DNAI3: variants seen among roughly 807,000 people sequenced by gnomAD.
DNAI3 encodes the protein dynein axonemal intermediate chain 3.
DNAI3 carries 83 observed loss-of-function variants against 115.5 expected under a neutral mutation model. The observed-to-expected ratio is 0.72, with a 90% CI of 0.60 to 0.86. The LOEUF (loss-of-function observed/expected upper bound fraction) is 0.86, where lower values mean the gene tolerates loss of function less well. Ranked by LOEUF, DNAI3 falls within the 40% of genes least tolerant of loss-of-function variation. The pLI is 0.00. For synonymous variants in DNAI3, 320 were observed against 347.0 expected (o/e 0.92, Z 0.86); for missense variants, 1,004 against 1,075.8 (o/e 0.93, Z 0.93).
At chr1:85,128,984 A>C (rs899100436) in intron 21 of DNAI3, among the ~76,000 whole-genome samples, 185 bp downstream of exon 21, 1 of 152,210 alleles carries the variant, frequency 6.6e-6, no homozygotes, top group African/African-American at 2.4e-5. Context: ...AAAAAGCCCC[A>C]AACATGACAT....
At chr1:85,103,612 G>A (rs933680525) in intron 13 of DNAI3, among the ~76,000 whole-genome samples, 5 of 152,142 alleles carry the variant, frequency 3.3e-5, no homozygotes, top group Admixed American at 3.3e-4. Context: ...ATGAGGCCGG[G>A]CGCATGGCTC....
intron 6 of DNAI3, 119 bp downstream of exon 6, chr1:85,084,814 T>C: frequency 1.9e-6 from 2 of 1,078,476 alleles, no homozygotes; most frequent in Non-Finnish European, 2.4e-6. Flanking sequence ...TGGTGTGTTG[T>C]TTTGGTTTGC....
chr1:85,111,174 G>C (rs944050884), intron 16 of DNAI3, among the ~76,000 whole-genome samples: 1 of 152,182 alleles, frequency 6.6e-6, no homozygotes, highest in Non-Finnish European at 1.5e-5. Context: ...TACCCAGCTT[G>C]AGCAAAATTT....
rs767135205 is a variant in DNAI3 at position 85,083,942 on chromosome 1, TCA to T, written c.391-603_391-602del. Among the ~76,000 whole-genome samples the T allele has an allele frequency of 3.5e-3, 532 of 151,964 alleles. 3 individuals are homozygous for T. Among genetic ancestry groups the T allele is most frequent in the Non-Finnish European group, 5.7e-3 (386 of 67,910 alleles). ...CATAAAAATTGTGTCATTTTTATAC[TCA>T]GTCTGCAACTTCATTTTTCACCAAA... On this transcript the variant is annotated intron_variant, in intron 5 of 22. Coordinates refer to ENST00000294664, the MANE Select transcript of DNAI3 (RefSeq NM_145172.5).
intron 13 of DNAI3, 143 bp from the exon 14 acceptor site, chr1:85,104,381 A>C: frequency 1.6e-6 from 1 of 613,550 alleles, no homozygotes; most frequent in Non-Finnish European, 2.9e-6. Context: ...TCAGCCTATC[A>C]GAATGCTGGG....
chr1:85,099,739 A>C (rs1655235343), intron 13 of DNAI3, among the ~76,000 whole-genome samples: 1 of 152,250 alleles, frequency 6.6e-6, no homozygotes, highest in Non-Finnish European at 1.5e-5. Flanking sequence ...AGGCTATAGT[A>C]ACCAAAACAG....
intron 12 of DNAI3, among the ~76,000 whole-genome samples, chr1:85,097,941 T>G (rs1655171920): frequency 6.6e-6 from 1 of 152,110 alleles, no homozygotes; most frequent in African/African-American, 2.4e-5. Flanking sequence ...GTGACTTGCC[T>G]AAAGTGAGGT....
At chr1:85,119,455 G>A (rs1363640445) in intron 17 of DNAI3, among the ~76,000 whole-genome samples, 1 of 152,168 alleles carries the variant, frequency 6.6e-6, no homozygotes, top group Non-Finnish European at 1.5e-5. Flanking sequence ...GTGCACCAAA[G>A]TTTATAAAGC....
At chr1:85,125,221 A>G (rs975277038) in intron 19 of DNAI3, among the ~76,000 whole-genome samples, 2 of 152,042 alleles carry the variant, frequency 1.3e-5, no homozygotes, top group African/African-American at 4.8e-5. Context: ...GCCTGAAACT[A>G]TATATATATG....
At chr1:85,098,700 A>G in intron 13 of DNAI3, 42 bp downstream of exon 13, 2 of 1,596,780 alleles carry the variant, frequency 1.3e-6, no homozygotes, top group Non-Finnish European at 1.7e-6. Flanking sequence ...GCTGAATTAC[A>G]CATTTTCAGA....
At position 85,071,979 on chromosome 1, in the gene DNAI3, A is replaced by G; in HGVS notation, c.38A>G (p.Lys13Arg). The G allele has an allele frequency of 3.1e-6, 5 of 1,609,972 alleles. No individual in the cohort carries two copies. The South Asian group carries it at 5.5e-5, about 18-fold the overall frequency. The change falls in exon 2 of 23, where the codon AAA becomes AGA. Residue 13 changes from lysine to arginine, a missense_variant. Lys to Arg is a conservative substitution (Grantham distance 26). Transcript: ENST00000294664. Reference protein sequence around the residue: ...PKQKKKTSRGKKRLKPVLAAS... With the variant: ...PKQKKKTSRGRKRLKPVLAAS... ...CAAAAGAAAAAGACATCACGTGGCA[A>G]AAAAAGACTAAAACCAGTATTAGCT... is the stretch of plus-strand genomic sequence containing the variant.
Position 85,132,912 on chromosome 1 carries a change from A to G in DNAI3, c.2590A>G (p.Ser864Gly). 4 of 1,613,988 alleles carry G rather than the reference A, an allele frequency of 2.5e-6. No homozygotes were observed. Among genetic ancestry groups the G allele is most frequent in the South Asian group, 2.2e-5 (2 of 91,062 alleles). Residue 864 changes from serine (S) to glycine (G), a missense_variant, in exon 23 of 23, where the codon AGT becomes GGT. Ser to Gly is a moderately conservative substitution (Grantham distance 56). Around this residue, in one of 3 missense-constraint regions of DNAI3, gnomAD observed 429 missense variants for 454.3 expected, o/e 0.94. Coordinates refer to ENST00000294664, the MANE Select transcript of DNAI3 (RefSeq NM_145172.5). ...MQAELKMDYE[S>G]YLELEKTVLI... ...GGCTGAATTAAAAATGGACTATGAG[A>G]GTTATCTGGAACTGGAAAAGACTGT...
rs1571173967 is a variant in DNAI3, at chr1:85,093,616, T to C, written c.1016T>C (p.Ile339Thr). Residue 339 changes from isoleucine (I) to threonine (T), a missense_variant, in exon 9 of 23, where the codon ATT (isoleucine) becomes ACT (threonine). Physicochemically the swap from Ile to Thr is moderately conservative, Grantham distance 89. This residue lies in a region of DNAI3 where 550 missense variants were observed against 568.1 expected (regional missense o/e 0.97). Transcript: ENST00000294664. ...TDLHSPTEKM[I>T]TCVSWHPTIY... is the part of the protein sequence containing the mutation. ...CTTCATAGCCCAACGGAGAAAATGA[T>C]TACCTGTGTCTCATGGCATCCAACT... 6.2e-7 allele frequency: 1 copy of C among 1,614,144 alleles called. No individual in the cohort carries two copies. The highest frequency in any genetic ancestry group is 2.2e-5 in the East Asian group (1 of 44,874).
chr1:85,105,966 C>T (rs1468394522), intron 14 of DNAI3, among the ~76,000 whole-genome samples: 1 of 152,166 alleles, frequency 6.6e-6, no homozygotes, highest in Non-Finnish European at 1.5e-5. Flanking sequence ...CTAGAATGCC[C>T]CGTCTCTACT....
intron 15 of DNAI3, 132 bp downstream of exon 15, chr1:85,108,309 G>T: frequency 9.8e-7 from 1 of 1,020,394 alleles, no homozygotes; most frequent in Non-Finnish European, 1.3e-6. Context: ...TACAATTTGT[G>T]TTTATTCAAC....
chr1:85,105,528 C>CAAAAA (rs755945527), intron 14 of DNAI3, among the ~76,000 whole-genome samples: 4 of 51,506 alleles, frequency 7.8e-5, no homozygotes, highest in African/African-American at 9.3e-5. Flanking sequence ...AACTCTGTCT[C>CAAAAA]AAAAAAAAAA....
At chr1:85,075,612 C>A (rs1654428174) in intron 3 of DNAI3, among the ~76,000 whole-genome samples, 1 of 152,144 alleles carries the variant, frequency 6.6e-6, no homozygotes. Flanking sequence ...CTCCAAGAAA[C>A]TGAGATCCCT....
intron 3 of DNAI3, among the ~76,000 whole-genome samples, chr1:85,074,983 A>G: frequency 6.6e-6 from 1 of 152,182 alleles, no homozygotes; most frequent in East Asian, 1.9e-4. Flanking sequence ...TACCCTTCTT[A>G]GTTCCATCTC....
chr1:85,073,138 A>C, intron 3 of DNAI3, 46 bp downstream of exon 3: 1 of 1,371,042 alleles, frequency 7.3e-7, no homozygotes, highest in Non-Finnish European at 9.9e-7. Context: ...GTTTTATAAT[A>C]TTTTAATAAT....
Sources: allele counts gnomAD v4.1 joint callset (sites outside exome capture counted in the v4.1 genomes callset), GRCh38; gene constraint gnomAD v4.1.1; regional missense constraint gnomAD v4.1.1; transcripts MANE v1.5; gene names NCBI Gene and HGNC (gene_info 2026-07-23, HGNC 2026-07-21).